GCSAML: variants seen among roughly 807,000 people sequenced by gnomAD.
GCSAML encodes germinal center-associated signaling and motility-like protein.
Under a neutral mutation model 13.0 loss-of-function variants are expected in GCSAML, and 9 were observed. The observed-to-expected ratio is 0.69, with a 90% CI of 0.42 to 1.21. The LOEUF (loss-of-function observed/expected upper bound fraction) is 1.21. GCSAML is among the 50% of genes most tolerant of loss of function. GCSAML has a pLI of 0.00. For missense variants in GCSAML, 143 were observed against 153.4 expected, an observed-to-expected ratio of 0.93 and a Z score of 0.36; for synonymous variants, 37 against 52.9, an observed-to-expected ratio of 0.70 and a Z score of 1.31.
intron 1 of GCSAML, chr1:247,525,640 T>C (rs1481787670): frequency 6.6e-6 from 1 of 152,314 alleles, no homozygotes; most frequent in Admixed American, 6.5e-5. Flanking sequence ...TCTTCAGCTA[T>C]CTGGAAGCCC....
upstream of GCSAML, among the ~76,000 whole-genome samples, chr1:247,544,657 T>C (rs1215179707): frequency 6.6e-6 from 1 of 151,970 alleles, no homozygotes; most frequent in African/African-American, 2.4e-5. Context: ...CATGGAAACA[T>C]GGACAACAGG....
upstream of GCSAML, among the ~76,000 whole-genome samples, chr1:247,546,596 C>G (rs1290840740): frequency 6.6e-6 from 1 of 151,952 alleles, no homozygotes; most frequent in Non-Finnish European, 1.5e-5. Context: ...TTCCTGACCT[C>G]ATGATCCACC....
At chr1:247,552,959 T>C (rs1197262911) in intron 1 of GCSAML, among the ~76,000 whole-genome samples, 1 of 152,182 alleles carries the variant, frequency 6.6e-6, no homozygotes, top group East Asian at 1.9e-4. Context: ...TTTCACCATA[T>C]TGGCCAGGCT....
At chr1:247,521,705 G>C (rs1042370967) in intron 1 of GCSAML, among the ~76,000 whole-genome samples, 6 of 152,208 alleles carry the variant, frequency 3.9e-5, no homozygotes, top group African/African-American at 1.2e-4. Flanking sequence ...AGGCTGGAGC[G>C]CAGTGGCATG....
At chr1:247,512,073 T>C (rs1666059101) in intron 1 of GCSAML, among the ~76,000 whole-genome samples, 1 of 152,184 alleles carries the variant, frequency 6.6e-6, no homozygotes, top group African/African-American at 2.4e-5. Flanking sequence ...GTTGGGGAAA[T>C]TCTCCTGGAT....
At chr1:247,552,825 G>A (rs752736689) in intron 1 of GCSAML, among the ~76,000 whole-genome samples, 3 of 141,512 alleles carry the variant, frequency 2.1e-5, no homozygotes, top group Admixed American at 2.0e-4. Context: ...GCATGATCTC[G>A]GCTCACTGCA....
In GCSAML at chr1:247,532,354, T is replaced by C. The variant is rs757067976; in HGVS notation, c.-148+5300T>C. 13 of 1,613,960 alleles carry C rather than the reference T, an allele frequency of 8.1e-6. No homozygotes were observed. The East Asian group carries it at 1.1e-4, about 14-fold the overall frequency. Reference sequence around the variant, plus strand: ...GTACATAGGTGTGTGGAGGTGCACATCTGTATGGGAGACCAGAATGATGAT... The same window carrying C: ...GTACATAGGTGTGTGGAGGTGCACACCTGTATGGGAGACCAGAATGATGAT... On this transcript the variant is annotated intron_variant, in intron 2 of 5. Transcript: ENST00000366489.
chr1:247,551,536 A>G (rs756086006), intron 1 of GCSAML, among the ~76,000 whole-genome samples: 9 of 152,210 alleles, frequency 5.9e-5, no homozygotes, highest in African/African-American at 1.2e-4. Flanking sequence ...CTCAGTGAGT[A>G]TGGAGGAATG....
chr1:247,520,184 T>G (rs1331319284), intron 1 of GCSAML, among the ~76,000 whole-genome samples: 1 of 152,248 alleles, frequency 6.6e-6, no homozygotes. Context: ...GCTAGTTTTG[T>G]GTCAACGTGA....
chr1:247,546,230 G>A (rs770019881), upstream of GCSAML, among the ~76,000 whole-genome samples: 1 of 152,006 alleles, frequency 6.6e-6, no homozygotes, highest in African/African-American at 2.4e-5. Context: ...AGCTATTCAC[G>A]GGCATGATCA....
At chr1:247,543,915 G>A (rs1667486661) in intron 2 of GCSAML, among the ~76,000 whole-genome samples, 1 of 152,124 alleles carries the variant, frequency 6.6e-6, no homozygotes, top group Non-Finnish European at 1.5e-5. Context: ...TCAGTCTCTG[G>A]AGTAGCTGGG....
chr1:247,519,178 G>A (rs772862118), intron 1 of GCSAML: 5 of 152,202 alleles, frequency 3.3e-5, no homozygotes, highest in African/African-American at 9.7e-5. Context: ...CTTGCAGGTG[G>A]ACTGACTGCC....
At chr1:247,529,272 A>AG (rs1270302715) in intron 2 of GCSAML, 4 of 152,162 alleles carry the variant, frequency 2.6e-5, no homozygotes, top group African/African-American at 9.7e-5. Flanking sequence ...CTGCAATATC[A>AG]CCTGTAACCA....
In GCSAML at chr1:247,564,742, C is replaced by T. The variant is rs1022467657; in HGVS notation, c.139+1103C>T. 5.3e-5 allele frequency among the ~76,000 whole-genome samples: 8 copies of T among 152,232 alleles called. No individual in the cohort carries two copies. The East Asian group carries it at 5.8e-4, about 11-fold the overall frequency. On this transcript the variant is annotated intron_variant, in intron 3 of 4. Coordinates refer to ENST00000366488, the MANE Select transcript of GCSAML (RefSeq NM_145278.5). ...AGCAAATTTCAAATGAAGAATACTA[C>T]GTTGCTAACTAACAAGCAATGGGGA...
intron 1 of GCSAML, chr1:247,525,458 A>G (rs950727063): frequency 2.0e-5 from 3 of 152,230 alleles, no homozygotes; most frequent in Admixed American, 6.5e-5. Context: ...CTTGGGTTCA[A>G]TTAATTTGCT....
chr1:247,573,935 T>G (rs1026249493), intron 4 of GCSAML, among the ~76,000 whole-genome samples: 1 of 152,224 alleles, frequency 6.6e-6, no homozygotes, highest in Admixed American at 6.5e-5. Context: ...CTAGGTATTT[T>G]ATTCTCTTTG....
At chr1:247,551,945 TG>T (rs1254086528) in intron 1 of GCSAML, among the ~76,000 whole-genome samples, 1 of 152,200 alleles carries the variant, frequency 6.6e-6, no homozygotes, top group Non-Finnish European at 1.5e-5. Flanking sequence ...CTCTCTGGAA[TG>T]GGGGCTTATG....
At position 247,565,817 on chromosome 1, in the gene GCSAML, C is replaced by T. The variant is rs1045751578; in HGVS notation, c.140-114C>T. On this transcript the variant is annotated intron_variant, in intron 3 of 4. Transcript: ENST00000366488. ...CAGATGTTTAGATAATAGGCCTCTG[C>T]AGTTTTATGACTTCTACATTCTGTT... 5 of 748,212 alleles carry T rather than the reference C, an allele frequency of 6.7e-6. No homozygotes were observed. In the Admixed American group the frequency reaches 1.7e-4, roughly 26 times the overall value. 46.3% of individuals were successfully genotyped at this position (748,212 alleles called of 1,614,324 possible).
chr1:247,540,349 A>G (rs1667371141), intron 2 of GCSAML, among the ~76,000 whole-genome samples: 1 of 152,172 alleles, frequency 6.6e-6, no homozygotes, highest in African/African-American at 2.4e-5. Flanking sequence ...TCTCTTAACA[A>G]GTGCTTGGCT....
Sources: gnomAD v4.1 joint callset for allele counts (sites outside exome capture counted in the v4.1 genomes callset) on GRCh38, gnomAD v4.1.1 for gene constraint, MANE v1.5 for transcripts, NCBI Gene and HGNC (gene_info 2026-07-23, HGNC 2026-07-21) for gene names.